SLC30A8: variants seen among roughly 807,000 people sequenced by gnomAD.
SLC30A8 encodes the protein proton-coupled zinc antiporter SLC30A8.
Under a neutral mutation model 36.9 loss-of-function variants are expected in SLC30A8, and 27 were observed. That is an observed-to-expected ratio of 0.73 (90% confidence interval 0.54 to 1.01). SLC30A8 has a LOEUF of 1.01. SLC30A8 is among the 50% of genes least tolerant of loss of function. SLC30A8 has a pLI of 0.00. For synonymous variants in SLC30A8, 164 were observed against 172.4 expected, an observed-to-expected ratio of 0.95 and a Z score of 0.38; for missense variants, 439 against 452.0, an observed-to-expected ratio of 0.97 and a Z score of 0.26.
At chr8:117,018,675 C>A (rs3064227) in intron 1 of SLC30A8, among the ~76,000 whole-genome samples, 1 of 105,352 alleles carries the variant, frequency 9.5e-6, no homozygotes, top group African/African-American at 3.2e-5. Context: ...CCCCCCCCCC[C>A]TTTTTTTTTT....
intron 2 of SLC30A8, among the ~76,000 whole-genome samples, chr8:117,067,753 A>G (rs1818212926): frequency 6.6e-6 from 1 of 152,228 alleles, no homozygotes; most frequent in Admixed American, 6.5e-5. Context: ...ACTAATATTA[A>G]TAACTATCTC....
chr8:117,045,643 C>T (rs567770778), intron 2 of SLC30A8, among the ~76,000 whole-genome samples: 99 of 152,246 alleles, frequency 6.5e-4, no homozygotes, highest in African/African-American at 2.2e-3. Context: ...ACTTGGAGTC[C>T]GTGACCTAGG....
chr8:117,006,429 T>C (rs1273255709), intron 1 of SLC30A8, among the ~76,000 whole-genome samples: 4 of 152,202 alleles, frequency 2.6e-5, no homozygotes, highest in Non-Finnish European at 4.4e-5. Flanking sequence ...AGATGTTTCT[T>C]TCTTCTTGTG....
chr8:116,952,490 A>C (rs1814028893), intron 1 of SLC30A8, among the ~76,000 whole-genome samples: 1 of 151,872 alleles, frequency 6.6e-6, no homozygotes, highest in African/African-American at 2.4e-5. Context: ...TGTCACCCAG[A>C]CTGGAGTGCA....
chr8:116,969,603 CA>C (rs1189662276), intron 1 of SLC30A8, among the ~76,000 whole-genome samples: 1 of 152,186 alleles, frequency 6.6e-6, no homozygotes, highest in African/African-American at 2.4e-5. Flanking sequence ...TGTACTTACA[CA>C]AACCTAGATG....
intron 2 of SLC30A8, among the ~76,000 whole-genome samples, chr8:117,039,645 C>A (rs1038979152): frequency 2.6e-5 from 4 of 152,178 alleles, no homozygotes; most frequent in African/African-American, 4.8e-5. Context: ...ATTGTTGAGG[C>A]CTTCACAATA....
At chr8:116,980,048 C>T (rs571699674) in intron 1 of SLC30A8, among the ~76,000 whole-genome samples, 11 of 152,248 alleles carry the variant, frequency 7.2e-5, no homozygotes, top group Non-Finnish European at 1.0e-4. Context: ...ACAAAGGGAA[C>T]GACTATGGAT....
intron 2 of SLC30A8, among the ~76,000 whole-genome samples, chr8:117,113,152 G>T (rs758544860): frequency 6.6e-6 from 1 of 152,118 alleles, no homozygotes; most frequent in African/African-American, 2.4e-5. Flanking sequence ...ACAGACAAAC[G>T]GAATCAGCTT....
intron 1 of SLC30A8, among the ~76,000 whole-genome samples, chr8:117,017,604 A>ACT (rs142786835): frequency 0.023 from 3,497 of 152,330 alleles, 122 homozygotes; most frequent in African/African-American, 0.08. Flanking sequence ...TGGAATTGAC[A>ACT]CTAGTTCAGG....
chr8:116,975,280 A>G (rs181304714), intron 1 of SLC30A8, among the ~76,000 whole-genome samples: 323 of 152,338 alleles, frequency 2.1e-3, no homozygotes, highest in Middle Eastern at 3.4e-3. Flanking sequence ...CTACACTGCC[A>G]GCTTTAGACT....
intron 1 of SLC30A8, among the ~76,000 whole-genome samples, chr8:117,033,352 G>C (rs985949576): frequency 1.3e-5 from 2 of 152,228 alleles, no homozygotes; most frequent in Non-Finnish European, 2.9e-5. Flanking sequence ...CCACAACATG[G>C]ATGAACCTCA....
At chr8:117,037,361 T>C (rs1349277286) in intron 1 of SLC30A8, among the ~76,000 whole-genome samples, 1 of 152,170 alleles carries the variant, frequency 6.6e-6, no homozygotes, top group Non-Finnish European at 1.5e-5. Context: ...TGCTCTAGAT[T>C]AGAGGTTTTC....
At chr8:117,018,131 G>A (rs1816580174) in intron 1 of SLC30A8, 1 of 152,194 alleles carries the variant, frequency 6.6e-6, no homozygotes. Context: ...AAAGAGGGAT[G>A]AACTGGCCCA....
chr8:117,079,384 C>T (rs752333583), intron 2 of SLC30A8, among the ~76,000 whole-genome samples: 13 of 152,164 alleles, frequency 8.5e-5, no homozygotes, highest in Non-Finnish European at 1.5e-4. Flanking sequence ...CTTTTCTCTT[C>T]CACCATAAAA....
chr8:116,958,841 A>ATT (rs758505118), intron 1 of SLC30A8, among the ~76,000 whole-genome samples: 3,595 of 60,086 alleles, frequency 0.06, 1,060 homozygotes, highest in African/African-American at 0.14. Flanking sequence ...TGCTCTTTTC[A>ATT]TTTTTTTTTT....
At chr8:116,954,426 G>A (rs1336264203) in intron 1 of SLC30A8, among the ~76,000 whole-genome samples, 2 of 152,062 alleles carry the variant, frequency 1.3e-5, no homozygotes, top group Non-Finnish European at 2.9e-5. Context: ...CTGATGGCTG[G>A]GCAGAAAAAG....
At chr8:117,170,348 CT>C (rs947462641) in intron 6 of SLC30A8, among the ~76,000 whole-genome samples, 1 of 152,094 alleles carries the variant, frequency 6.6e-6, no homozygotes, top group African/African-American at 2.4e-5. Flanking sequence ...TTGTACATAA[CT>C]GAAGTAGAGG....
At position 117,157,792 on chromosome 8, in the gene SLC30A8, C is replaced by A; in HGVS notation, c.520C>A (p.Gln174Lys). The A allele has an allele frequency of 6.2e-7, 1 of 1,614,156 alleles. No individual in the cohort carries two copies. Residue 174 changes from glutamine (Q) to lysine (K), a missense_variant, in exon 4 of 8, where the codon CAG (glutamine) becomes AAG (lysine). Transcript: ENST00000456015. Reference sequence around the variant, plus strand: ...CCTGCTGTATCCTGATTACCAGATCCAGGCGACTGTGATGATCATCGTTTC... The same window carrying A: ...CCTGCTGTATCCTGATTACCAGATCAAGGCGACTGTGATGATCATCGTTTC... The part of the protein sequence containing the change: ...ERLLYPDYQI[Q>K]ATVMIIVSSC...
At chr8:117,110,322 G>C (rs1820170922) in intron 2 of SLC30A8, among the ~76,000 whole-genome samples, 1 of 151,980 alleles carries the variant, frequency 6.6e-6, no homozygotes, top group Non-Finnish European at 1.5e-5. Context: ...CTGTCACTTT[G>C]TCATTCTGAT....
Sources: allele counts gnomAD v4.1 joint callset (sites outside exome capture counted in the v4.1 genomes callset), GRCh38; gene constraint gnomAD v4.1.1; transcripts MANE v1.5; gene names NCBI Gene and HGNC (gene_info 2026-07-23, HGNC 2026-07-21).